The following DCUN1D4 variants were observed in gnomAD, a reference collection of about 807,000 sequenced individuals.
DCUN1D4 encodes defective in cullin neddylation 1 domain containing 4.
In DCUN1D4, 22 loss-of-function variants were observed where a neutral mutation model predicts 47.9. That is an observed-to-expected ratio of 0.46 (90% confidence interval 0.33 to 0.66). DCUN1D4 has a LOEUF of 0.66. DCUN1D4 is among the 30% of genes least tolerant of loss of function. The probability of loss-of-function intolerance (pLI) is 0.02; values close to 1 mark genes in which losing one functional copy is unlikely to be tolerated. For synonymous variants in DCUN1D4, 121 were observed against 112.2 expected, an observed-to-expected ratio of 1.08 and a Z score of -0.50; for missense variants, 301 against 340.8, an observed-to-expected ratio of 0.88 and a Z score of 0.92.
chr4:51,856,075 G>A (rs1321460897), intron 1 of DCUN1D4, among the ~76,000 whole-genome samples: 1 of 152,202 alleles, frequency 6.6e-6, no homozygotes, highest in Non-Finnish European at 1.5e-5. Context: ...CCTCAGTCGT[G>A]TTCTTGTTCT....
intron 1 of DCUN1D4, chr4:51,848,182 T>TA: frequency 2.5e-6 from 3 of 1,216,954 alleles, no homozygotes; most frequent in Middle Eastern, 2.2e-4. Flanking sequence ...TGCAAACTAA[T>TA]TTAATATTTT....
chr4:51,885,607 C>T (rs1034050445), intron 5 of DCUN1D4, among the ~76,000 whole-genome samples: 6 of 152,082 alleles, frequency 3.9e-5, no homozygotes, highest in Non-Finnish European at 7.4e-5. Context: ...GCAAGTAGTT[C>T]AAAAGTAAGG....
chr4:51,895,157 A>T (rs1044565192), intron 7 of DCUN1D4, among the ~76,000 whole-genome samples: 3 of 151,980 alleles, frequency 2.0e-5, no homozygotes, highest in Non-Finnish European at 4.4e-5. Context: ...TTTCAGGGGG[A>T]TACAAACATT....
Position 51,843,185 on chromosome 4 carries a change from G to A in DCUN1D4, c.-58G>A. 1 of 1,535,894 alleles carries A rather than the reference G, an allele frequency of 6.5e-7. No individual in the cohort carries two copies. The highest frequency in any genetic ancestry group is 1.4e-5 in the African/African-American group (1 of 71,990). On this transcript the variant is annotated 5_prime_UTR_variant, in exon 1 of 11. Coordinates refer to ENST00000334635, the MANE Select transcript of DCUN1D4 (RefSeq NM_001040402.3). ...AGCCGAGGTGCAGTGAGCTGGTGGG[G>A]GGACCGCGAGGCGAGCGCGGGAGCC...
Position 51,909,767 on chromosome 4 carries a change from C to G in DCUN1D4, c.616-1303C>G, listed in dbSNP as rs970470289. 4.6e-5 allele frequency among the ~76,000 whole-genome samples: 7 copies of G among 152,204 alleles called. No homozygotes were observed. The East Asian group carries it at 1.3e-3, about 29-fold the overall frequency. ...AGAAGGGTGATGTGGAGCCATCTGA[C>G]CTGGTCTATTCATGGACAGTCGTTA... On this transcript the variant is annotated intron_variant, in intron 8 of 10. Transcript: ENST00000334635.
chr4:51,882,349 T>C (rs1417509972), intron 5 of DCUN1D4, among the ~76,000 whole-genome samples: 1 of 152,072 alleles, frequency 6.6e-6, no homozygotes, highest in African/African-American at 2.4e-5. Flanking sequence ...ACCTTTATGG[T>C]GAACATTGAC....
At chr4:51,896,824 C>T (rs934239643) in intron 7 of DCUN1D4, among the ~76,000 whole-genome samples, 1 of 152,126 alleles carries the variant, frequency 6.6e-6, no homozygotes, top group African/African-American at 2.4e-5. Flanking sequence ...CAGCCCTGAT[C>T]GTGGTCTTTC....
chr4:51,876,191 G>A (rs1435906840), intron 4 of DCUN1D4, among the ~76,000 whole-genome samples: 3 of 152,062 alleles, frequency 2.0e-5, no homozygotes, highest in Non-Finnish European at 2.9e-5. Flanking sequence ...TGATAGACTG[G>A]ATCAAGAAAA....
At position 51,843,472 on chromosome 4, in the gene DCUN1D4, C is replaced by G. The variant is rs1203474957; in HGVS notation, c.25+205C>G. 5.8e-6 allele frequency: 7 copies of G among 1,212,674 alleles called. No individual in the cohort carries two copies. The African/African-American group carries it at 1.1e-4, about 20-fold the overall frequency. 75.1% of individuals were successfully genotyped at this position (1,212,674 alleles called of 1,614,324 possible). A position where few individuals can be genotyped will look rare whatever the true frequency, so the allele number is the denominator to read the frequency against. ...CGGGGGCGGGCGTGGGGGGAAGGGA[C>G]CGGCCTGCGGGGAGGGCGGAGGTGA... On this transcript the variant is annotated intron_variant, in intron 1 of 10. Transcript: ENST00000334635.
chr4:51,853,205 C>CT (rs1220245898), intron 1 of DCUN1D4, among the ~76,000 whole-genome samples: 1 of 152,110 alleles, frequency 6.6e-6, no homozygotes, highest in Non-Finnish European at 1.5e-5. Flanking sequence ...CTCCCAGCCC[C>CT]TTTTTTGAGT....
Position 51,871,561 on chromosome 4 carries a change from G to A in DCUN1D4, c.137-2710G>A, listed in dbSNP as rs115175921. The stretch of plus-strand genomic sequence containing the variant: ...TGTGTTTTGCACATGTGGAAGGGGA[G>A]GGGTTACTGCTAGACTGGAAGCTAA... On this transcript the variant is annotated intron_variant, in intron 3 of 10. Transcript: ENST00000334635. Among the ~76,000 whole-genome samples the A allele has an allele frequency of 9.2e-3, 1,401 of 152,286 alleles. 14 individuals carry two copies. The highest frequency in any genetic ancestry group is 0.032 in the African/African-American group (1,345 of 41,544).
At chr4:51,871,207 T>C (rs761936273) in intron 3 of DCUN1D4, among the ~76,000 whole-genome samples, 2 of 151,936 alleles carry the variant, frequency 1.3e-5, no homozygotes, top group Non-Finnish European at 2.9e-5. Context: ...CTGGGATGAT[T>C]TGGGTCTCAG....
chr4:51,899,051 T>C (rs1239242693), intron 7 of DCUN1D4, among the ~76,000 whole-genome samples: 1 of 152,190 alleles, frequency 6.6e-6, no homozygotes, highest in Non-Finnish European at 1.5e-5. Flanking sequence ...AAAGGTTAAT[T>C]GCTGGATCAA....
Position 51,877,997 on chromosome 4 carries a change from T to C in DCUN1D4, c.343+143T>C, listed in dbSNP as rs1727957815. ...TCCCTGTTAGAGGGAGAGAGGGACA[T>C]AGCTGTAACAAATCACCAGATAGCC... On this transcript the variant is annotated intron_variant, in intron 5 of 10. Coordinates refer to ENST00000334635, the MANE Select transcript of DCUN1D4 (RefSeq NM_001040402.3). The C allele has an allele frequency of 2.0e-5, 9 of 454,344 alleles. No homozygotes were observed. The South Asian group carries it at 3.9e-4, about 20-fold the overall frequency. 28.1% of individuals were successfully genotyped at this position (454,344 alleles called of 1,614,324 possible). A position where few individuals can be genotyped will look rare whatever the true frequency, so the allele number is the denominator to read the frequency against.
chr4:51,843,443 G>T, intron 1 of DCUN1D4, 176 bp downstream of exon 1: 4 of 1,234,392 alleles, frequency 3.2e-6, no homozygotes, highest in Non-Finnish European at 4.2e-6. Flanking sequence ...CGGGCGGCGT[G>T]GGGCGGGGGC....
chr4:51,843,592 G>A, intron 1 of DCUN1D4: 1 of 1,267,640 alleles, frequency 7.9e-7, no homozygotes, highest in South Asian at 3.2e-5. Context: ...GTGCATGGAG[G>A]TGGAGGCAGC....
At chr4:51,889,122 AAGAG>A (rs901564973) in intron 6 of DCUN1D4, among the ~76,000 whole-genome samples, 1 of 152,204 alleles carries the variant, frequency 6.6e-6, no homozygotes, top group Non-Finnish European at 1.5e-5. Context: ...AAAGAAAAAA[AAGAG>A]AGAATATTAT....
rs553924340 is a variant in DCUN1D4 at position 51,861,464 on chromosome 4, A to G, written c.26-1973A>G. On this transcript the variant is annotated intron_variant, in intron 1 of 10. Transcript: ENST00000334635. Reference sequence around the variant, plus strand: ...TGTCTTTTCTACTTCTTCCACATTTATATAAAGGAGGGAGAAAGATATAAC... The same window carrying G: ...TGTCTTTTCTACTTCTTCCACATTTGTATAAAGGAGGGAGAAAGATATAAC... Among the ~76,000 whole-genome samples the G allele has an allele frequency of 1.8e-4, 27 of 152,258 alleles. No individual in the cohort carries two copies. In the South Asian group the frequency reaches 5.6e-3, roughly 32 times the overall value.
chr4:51,886,760 T>C, intron 6 of DCUN1D4, 122 bp downstream of exon 6: 1 of 777,568 alleles, frequency 1.3e-6, no homozygotes, highest in Non-Finnish European at 2.1e-6. Context: ...TGAAGCAGTC[T>C]AAGAAATAAG....
Sources: allele counts gnomAD v4.1 joint callset (sites outside exome capture counted in the v4.1 genomes callset), GRCh38; gene constraint gnomAD v4.1.1; transcripts MANE v1.5; gene names NCBI Gene and HGNC (gene_info 2026-07-23, HGNC 2026-07-21).